Variants in SLMAP observed in about 807,000 individuals in gnomAD.
SLMAP encodes sarcolemma associated protein.
A neutral mutation model predicts 128.8 loss-of-function variants in SLMAP; 44 were observed. The observed-to-expected ratio is 0.34, with a 90% CI of 0.27 to 0.44. The LOEUF (loss-of-function observed/expected upper bound fraction) is 0.44. SLMAP is among the 20% of genes least tolerant of loss of function. The pLI is 1.00. For synonymous variants in SLMAP, 327 were observed against 348.8 expected (o/e 0.94, Z 0.70); for missense variants, 787 against 985.3 (o/e 0.80, Z 2.69).
chr3:57,833,510 C>T lies in SLMAP; in HGVS notation c.346+1980C>T, dbSNP rs1008151262. On this transcript the variant is annotated intron_variant, in intron 3 of 24. Coordinates refer to ENST00000671191, the MANE Select transcript of SLMAP (RefSeq NM_001377540.1). ...CATCTCCAGTCACTGCAACCTGTCTCCCGGGCTCAAGTGATTCTCCTGCCT... is the reference window on the plus strand; with the variant it reads ...CATCTCCAGTCACTGCAACCTGTCTTCCGGGCTCAAGTGATTCTCCTGCCT... Among the ~76,000 whole-genome samples the T allele has an allele frequency of 2.8e-4, 42 of 151,860 alleles. 1 individual carries two copies. The highest frequency in any genetic ancestry group is 1.8e-4 in the Non-Finnish European group (12 of 68,004).
At chr3:57,894,370 T>C (rs961129507) in intron 15 of SLMAP, among the ~76,000 whole-genome samples, 4 of 152,212 alleles carry the variant, frequency 2.6e-5, no homozygotes, top group Admixed American at 2.6e-4. Flanking sequence ...GTAGTAAATA[T>C]ATCTTGAATA....
At chr3:57,773,247 T>G (rs374117982) in intron 2 of SLMAP, among the ~76,000 whole-genome samples, 3 of 152,156 alleles carry the variant, frequency 2.0e-5, no homozygotes, top group Admixed American at 1.3e-4. Context: ...AATGACAGAG[T>G]TGAACCTCAG....
At chr3:57,868,992 ATGTGTATTATATATAATATATATTATATG>A (rs2095396815) in intron 13 of SLMAP, among the ~76,000 whole-genome samples, 1 of 138,582 alleles carries the variant, frequency 7.2e-6, no homozygotes, top group African/African-American at 2.7e-5. Flanking sequence ...TATATTATAT[ATGTGTATTATATATAATATATATTATATG>A]TGTATTATAT....
intron 2 of SLMAP, among the ~76,000 whole-genome samples, chr3:57,776,522 CTT>C (rs1553775402): frequency 5.0e-4 from 46 of 92,594 alleles, no homozygotes; most frequent in South Asian, 1.0e-3. Context: ...CTCTCTCTCT[CTT>C]TTTTTTTTTT....
intron 11 of SLMAP, 28 bp from the exon 12 acceptor site, chr3:57,864,778 CT>C (rs549408176): frequency 0.11 from 100,985 of 915,782 alleles, 3 homozygotes; most frequent in South Asian, 0.16. Flanking sequence ...TGTGAAATAT[CT>C]TTTTTTTTTT....
intron 2 of SLMAP, among the ~76,000 whole-genome samples, chr3:57,829,493 A>G (rs1440713364): frequency 6.6e-6 from 1 of 152,190 alleles, no homozygotes; most frequent in Non-Finnish European, 1.5e-5. Flanking sequence ...ACTCTCTTAT[A>G]CAATGTAACA....
chr3:57,868,405 C>T lies in SLMAP; in HGVS notation c.1237+3113C>T, dbSNP rs79436103. ...CCAGCCTGGGCAACATAGTGAGACC[C>T]CATCTCTAAAAAGAAAAAAAAAATT... On this transcript the variant is annotated intron_variant, in intron 13 of 24. Coordinates refer to ENST00000671191, the MANE Select transcript of SLMAP (RefSeq NM_001377540.1). Among the ~76,000 whole-genome samples, 141 of 150,880 alleles carry T rather than the reference C, an allele frequency of 9.3e-4. 6 individuals are homozygous for T. In the East Asian group the frequency reaches 0.024, roughly 26 times the overall value.
intron 19 of SLMAP, among the ~76,000 whole-genome samples, chr3:57,911,496 C>T (rs1328912703): frequency 6.6e-6 from 1 of 152,130 alleles, no homozygotes; most frequent in African/African-American, 2.4e-5. Flanking sequence ...CAGTTTGGGT[C>T]ATGAGCACAA....
chr3:57,815,165 C>T (rs2091670035), intron 2 of SLMAP, among the ~76,000 whole-genome samples: 1 of 152,210 alleles, frequency 6.6e-6, no homozygotes, highest in South Asian at 2.1e-4. Context: ...AGATCCCTCA[C>T]ATGCATCGTT....
At chr3:57,905,349 T>A (rs1186213340) in intron 17 of SLMAP, among the ~76,000 whole-genome samples, 1 of 152,168 alleles carries the variant, frequency 6.6e-6, no homozygotes, top group Non-Finnish European at 1.5e-5. Flanking sequence ...TGGCATGATC[T>A]CGGCTCACTG....
At chr3:57,881,706 G>A (rs1356857515) in intron 14 of SLMAP, among the ~76,000 whole-genome samples, 5 of 151,996 alleles carry the variant, frequency 3.3e-5, no homozygotes, top group Non-Finnish European at 5.9e-5. Context: ...CGCCCACCTC[G>A]GCCTCCCAAA....
intron 7 of SLMAP, 69 bp downstream of exon 7, chr3:57,857,897 C>G: frequency 3.5e-6 from 4 of 1,133,972 alleles, no homozygotes; most frequent in Non-Finnish European, 5.2e-6. Context: ...GTTAAATAAA[C>G]TAAAATGTAG....
Position 57,849,767 on chromosome 3 carries a change from C to T in SLMAP, c.470C>T (p.Thr157Ile), listed in dbSNP as rs1321939212. Residue 157 changes from threonine (T) to isoleucine (I), a missense_variant, in exon 6 of 25, where the codon ACT (threonine) becomes ATT (isoleucine). Around this residue, in one of 2 missense-constraint regions of SLMAP, gnomAD observed 715 missense variants for 843.6 expected, o/e 0.85. Coordinates refer to ENST00000671191, the MANE Select transcript of SLMAP (RefSeq NM_001377540.1). ...PSPVDKVAAN[T>I]PSMYSQELFQ... ...ATTTGTTTCTAGGTTGCTGCTAACA[C>T]TCCAAGTATGTACTCTCAGGAACTA... The T allele has an allele frequency of 1.3e-6, 2 of 1,571,072 alleles. No homozygotes were observed. Among genetic ancestry groups the T allele is most frequent in the East Asian group, 2.2e-5 (1 of 44,660 alleles).
intron 2 of SLMAP, among the ~76,000 whole-genome samples, chr3:57,830,425 C>T (rs79810718): frequency 0.16 from 23,993 of 152,112 alleles, 2,441 homozygotes; most frequent in East Asian, 0.43. Flanking sequence ...GGAAGAAATT[C>T]AGCGAAAATG....
In SLMAP at chr3:57,857,805, G is replaced by A; in HGVS notation, c.592G>A (p.Glu198Lys). The part of the protein sequence containing the change: ...TLQRLLAITQ[E>K]ASDTSWQALI... ...TCAGCGGCTACTAGCCATCACCCAA[G>A]AGGCTTCAGATACCAGTTGGCAGGT... The change falls in exon 7 of 25, where the codon GAG becomes AAG. Residue 198 changes from glutamate to lysine, a missense_variant. Coordinates refer to ENST00000671191, the MANE Select transcript of SLMAP (RefSeq NM_001377540.1). 1 of 1,612,098 alleles carries A rather than the reference G, an allele frequency of 6.2e-7. No individual in the cohort carries two copies. The highest frequency in any genetic ancestry group is 1.1e-5 in the South Asian group (1 of 91,036).
intron 14 of SLMAP, among the ~76,000 whole-genome samples, chr3:57,879,724 C>T (rs892316451): frequency 6.6e-6 from 1 of 151,944 alleles, no homozygotes; most frequent in South Asian, 2.1e-4. Context: ...GGGTGGATCA[C>T]GAGGTCAGGA....
chr3:57,906,310 C>CT lies in SLMAP; in HGVS notation c.1502-1552dup, dbSNP rs999042505. 7.9e-3 allele frequency among the ~76,000 whole-genome samples: 373 copies of CT among 47,026 alleles called. 34 individuals are homozygous for CT. Among genetic ancestry groups the CT allele is most frequent in the South Asian group, 0.026 (28 of 1,088 alleles). The allele number at this position is 47,026 out of a possible 152,430, so 30.9% of individuals were successfully genotyped here. A position where few individuals can be genotyped will look rare whatever the true frequency, so the allele number is the denominator to read the frequency against. On this transcript the variant is annotated intron_variant, in intron 17 of 24. Transcript: ENST00000671191. ...GAATCAAATTTTTTTCTTTTTTTTT[C>CT]TTTTTTTTTTTTTTTTTTTTTTAGA... is the stretch of plus-strand genomic sequence containing the variant.
intron 13 of SLMAP, among the ~76,000 whole-genome samples, chr3:57,868,376 G>A (rs1333423313): frequency 2.0e-5 from 3 of 151,358 alleles, no homozygotes; most frequent in South Asian, 2.1e-4. Context: ...CCAGAAGCTC[G>A]AAACCAGCCT....
At chr3:57,769,920 A>G (rs2153442722) in intron 2 of SLMAP, among the ~76,000 whole-genome samples, 1 of 152,300 alleles carries the variant, frequency 6.6e-6, no homozygotes. Context: ...GTGAGAATTG[A>G]GAGAAATGGT....
Sources: gnomAD v4.1 joint callset for allele counts (sites outside exome capture counted in the v4.1 genomes callset) on GRCh38, gnomAD v4.1.1 for gene constraint, gnomAD v4.1.1 regional missense constraint, MANE v1.5 for transcripts, NCBI Gene and HGNC (gene_info 2026-07-23, HGNC 2026-07-21) for gene names.